The following KIAA0825 variants were observed in gnomAD, a reference collection of about 807,000 sequenced individuals.
KIAA0825 encodes the protein KIAA0825, also known as uncharacterized protein KIAA0825.
Under a neutral mutation model 147.6 loss-of-function variants are expected in KIAA0825, and 119 were observed. That is an observed-to-expected ratio of 0.81 (90% CI 0.69 to 0.94). KIAA0825 has a LOEUF of 0.94. Ranked by LOEUF, KIAA0825 falls within the 40% of genes least tolerant of loss-of-function variation. The pLI is 0.00. For missense variants in KIAA0825, 1,381 were observed against 1,472.7 expected, an observed-to-expected ratio of 0.94 and a Z score of 1.02; for synonymous variants, 470 against 518.1, an observed-to-expected ratio of 0.91 and a Z score of 1.26.
chr5:94,173,264 C>T lies in KIAA0825; in HGVS notation c.3711-19140G>A, dbSNP rs1356209528. ...CCTGGCTGTCTTCTCAGGGTTTCTG[C>T]TTAATACTTCTCTTAATGTTACAGT... On this transcript the variant is annotated intron_variant, in intron 20 of 20. Coordinates refer to ENST00000682413, the MANE Select transcript of KIAA0825 (RefSeq NM_001145678.3). 2.6e-5 allele frequency among the ~76,000 whole-genome samples: 4 copies of T among 152,088 alleles called. No individual in the cohort carries two copies. The South Asian group carries it at 6.2e-4, about 24-fold the overall frequency.
intron 5 of KIAA0825, among the ~76,000 whole-genome samples, chr5:94,504,890 G>C (rs892297171): frequency 1.1e-4 from 17 of 151,680 alleles, no homozygotes; most frequent in African/African-American, 2.9e-4. Flanking sequence ...TGGGATTACA[G>C]GTGCATGCCA....
chr5:94,252,505 G>A (rs1156760116), intron 20 of KIAA0825, among the ~76,000 whole-genome samples: 2 of 151,800 alleles, frequency 1.3e-5, no homozygotes, highest in Non-Finnish European at 2.9e-5. Context: ...TTAAACCTGT[G>A]TGCATTGTTC....
At chr5:94,166,069 A>T (rs1054516048) in intron 20 of KIAA0825, among the ~76,000 whole-genome samples, 1 of 152,172 alleles carries the variant, frequency 6.6e-6, no homozygotes, top group Non-Finnish European at 1.5e-5. Flanking sequence ...ATTCCCCATG[A>T]TGTGCTTATT....
intron 15 of KIAA0825, 71 bp downstream of exon 15, chr5:94,417,130 T>G: frequency 7.1e-7 from 1 of 1,415,682 alleles, no homozygotes; most frequent in African/African-American, 1.4e-5. Context: ...CAATACAACT[T>G]CTAAACATCT....
chr5:94,241,450 G>A (rs1775339103), intron 20 of KIAA0825, among the ~76,000 whole-genome samples: 2 of 152,110 alleles, frequency 1.3e-5, no homozygotes, highest in South Asian at 4.1e-4. Context: ...GTTCCCTCTT[G>A]TTCTTATTTT....
At chr5:94,521,803 T>C (rs1768265482) in intron 4 of KIAA0825, among the ~76,000 whole-genome samples, 1 of 151,734 alleles carries the variant, frequency 6.6e-6, no homozygotes, top group African/African-American at 2.4e-5. Context: ...ATACTGAAAT[T>C]AGTTTATATT....
In KIAA0825 at chr5:94,604,560, A is replaced by AAAAC. The variant is rs368530098; in HGVS notation, c.-153+13936_-153+13939dup. 5.8e-3 allele frequency among the ~76,000 whole-genome samples: 879 copies of AAAAC among 151,966 alleles called. 3 individuals carry two copies. The highest frequency in any genetic ancestry group is 0.011 in the African/African-American group (436 of 41,426). On this transcript the variant is annotated intron_variant, in intron 1 of 20. Coordinates refer to ENST00000682413, the MANE Select transcript of KIAA0825 (RefSeq NM_001145678.3). ...GGCGACAGAATGAGACTCCATCTCA[A>AAAAC]AAACAAACAAACAAACAAACAAACA... is the stretch of plus-strand genomic sequence containing the variant.
chr5:94,471,763 T>C, intron 8 of KIAA0825, 32 bp from the exon 9 acceptor site: 2 of 1,547,500 alleles, frequency 1.3e-6, no homozygotes, highest in Non-Finnish European at 1.7e-6. Context: ...ACTGAGTTAT[T>C]TGTATTCTGA....
chr5:94,229,222 A>G (rs1472903246), intron 20 of KIAA0825, among the ~76,000 whole-genome samples: 1 of 152,188 alleles, frequency 6.6e-6, no homozygotes, highest in Non-Finnish European at 1.5e-5. Context: ...AGAGGTAAAT[A>G]TTTTGAATCC....
rs376801374 is a variant in KIAA0825, at chr5:94,520,304, C to T, written c.914G>A (p.Arg305His). ...GGAGCTCTTGCTTGTTTTAACCACA[C>T]GAACAGCATTTTCTCTGAACTGCAG... ...CELQFRENAV[R>H]VVKTSKSSSK... is the part of the protein sequence containing the mutation. Residue 305 changes from arginine (R) to histidine (H), a missense_variant, in exon 5 of 21, where the codon CGT becomes CAT. By Grantham distance (29) the Arg-to-His change is conservative. Transcript: ENST00000682413. The T allele has an allele frequency of 5.8e-5, 93 of 1,613,244 alleles. No homozygotes were observed. The highest frequency in any genetic ancestry group is 6.7e-5 in the Admixed American group (4 of 59,968).
intron 20 of KIAA0825, among the ~76,000 whole-genome samples, chr5:94,265,861 A>G (rs948692974): frequency 3.9e-5 from 6 of 152,156 alleles, no homozygotes; most frequent in Non-Finnish European, 5.9e-5. Flanking sequence ...GAATGCCCTT[A>G]TGAAGCAGCA....
chr5:94,617,094 C>T (rs1199196583), intron 1 of KIAA0825, among the ~76,000 whole-genome samples: 1 of 151,942 alleles, frequency 6.6e-6, no homozygotes, highest in Non-Finnish European at 1.5e-5. Context: ...TTTTATTAAA[C>T]ATTAAATAAA....
intron 2 of KIAA0825, among the ~76,000 whole-genome samples, chr5:94,573,588 C>T (rs921835458): frequency 2.0e-5 from 3 of 152,070 alleles, no homozygotes; most frequent in Non-Finnish European, 2.9e-5. Context: ...GGAAATTTTA[C>T]AGTGGCTGCT....
intron 5 of KIAA0825, among the ~76,000 whole-genome samples, chr5:94,513,608 T>C (rs1267586953): frequency 6.6e-6 from 1 of 152,118 alleles, no homozygotes; most frequent in Non-Finnish European, 1.5e-5. Context: ...AGAACAATGA[T>C]TCAGATGCCT....
intron 1 of KIAA0825, among the ~76,000 whole-genome samples, chr5:94,607,542 G>T (rs942136272): frequency 2.0e-5 from 3 of 152,126 alleles, no homozygotes; most frequent in African/African-American, 7.2e-5. Flanking sequence ...CCACGAGACG[G>T]AGGTTGTAGT....
intron 20 of KIAA0825, among the ~76,000 whole-genome samples, chr5:94,227,255 G>T (rs1287254302): frequency 1.3e-5 from 2 of 152,020 alleles, no homozygotes; most frequent in East Asian, 1.9e-4. Context: ...TAGGGACATG[G>T]ATGAAATTGG....
At chr5:94,419,877 T>A (rs1271814109) in intron 14 of KIAA0825, among the ~76,000 whole-genome samples, 1 of 152,166 alleles carries the variant, frequency 6.6e-6, no homozygotes, top group Admixed American at 6.5e-5. Context: ...TCTTTCACTT[T>A]TAAAAGTGTC....
At chr5:94,388,386 A>G (rs1015241902) in intron 18 of KIAA0825, among the ~76,000 whole-genome samples, 1 of 152,152 alleles carries the variant, frequency 6.6e-6, no homozygotes, top group African/African-American at 2.4e-5. Context: ...AGAAAGATTA[A>G]TTCTTTAGTG....
intron 1 of KIAA0825, among the ~76,000 whole-genome samples, chr5:94,614,563 T>C (rs894484192): frequency 6.6e-6 from 1 of 152,192 alleles, no homozygotes; most frequent in African/African-American, 2.4e-5. Context: ...GTGACCTAGG[T>C]ACTATTTCTG....
Sources: gnomAD v4.1 joint callset for allele counts (sites outside exome capture counted in the v4.1 genomes callset) on GRCh38, gnomAD v4.1.1 for gene constraint, MANE v1.5 for transcripts, NCBI Gene and HGNC (gene_info 2026-07-23, HGNC 2026-07-21) for gene names.